EPG5: variants seen among roughly 807,000 people sequenced by gnomAD.
EPG5 encodes ectopic P-granules 5 autophagy tethering factor.
A neutral mutation model predicts 302.7 loss-of-function variants in EPG5; 159 were observed. That is an observed-to-expected ratio of 0.53 (90% CI 0.46 to 0.60). The LOEUF (loss-of-function observed/expected upper bound fraction) is 0.60. EPG5 is among the 20% of genes least tolerant of loss of function. The pLI, the probability that EPG5 is intolerant of heterozygous loss-of-function variation, is 0.00. For synonymous variants in EPG5, 1,158 were observed against 1,136.8 expected, an observed-to-expected ratio of 1.02 and a Z score of -0.37; for missense variants, 2,896 against 3,092.4, an observed-to-expected ratio of 0.94 and a Z score of 1.51.
At chr18:45,833,289 G>T in the EPG5 span, among the ~76,000 whole-genome samples, 1 of 152,068 alleles carries the variant, frequency 6.6e-6, no homozygotes, top group African/African-American at 2.4e-5. Context: ...ACCTGATGGG[G>T]TTGTTGTGCA....
chr18:45,939,519 C>T, intron 10 of EPG5, 81 bp downstream of exon 10: 5 of 1,311,766 alleles, frequency 3.8e-6, no homozygotes, highest in Non-Finnish European at 5.3e-6. Context: ...TATAAAAGAC[C>T]TACTTAAGTG....
intron 11 of EPG5, among the ~76,000 whole-genome samples, 186 bp downstream of exon 11, chr18:45,934,623 A>G (rs2050476330): frequency 1.3e-5 from 2 of 152,254 alleles, no homozygotes; most frequent in Non-Finnish European, 2.9e-5. Flanking sequence ...TTTTGATTTC[A>G]GATATGCTAG....
At chr18:45,833,858 A>G in the EPG5 span, among the ~76,000 whole-genome samples, 10 of 152,226 alleles carry the variant, frequency 6.6e-5, no homozygotes, top group Non-Finnish European at 1.0e-4. Flanking sequence ...AATGAAGCAC[A>G]TGACATGCTG....
intron 11 of EPG5, among the ~76,000 whole-genome samples, chr18:45,932,992 A>C (rs2050429644): frequency 6.6e-6 from 1 of 152,192 alleles, no homozygotes; most frequent in African/African-American, 2.4e-5. Context: ...GGCAGATAGT[A>C]AGTCCGCAAT....
chr18:45,907,195 A>G (rs1264693922), intron 24 of EPG5: 1 of 152,226 alleles, frequency 6.6e-6, no homozygotes, highest in African/African-American at 2.4e-5. Context: ...ATGTGAAAGT[A>G]GGAGGGTTTA....
the EPG5 span, among the ~76,000 whole-genome samples, chr18:45,820,356 G>T: frequency 6.6e-6 from 1 of 152,158 alleles, no homozygotes; most frequent in Non-Finnish European, 1.5e-5. Flanking sequence ...GAAATGTTCT[G>T]CTCTCTGGCA....
At chr18:45,857,714 C>CTTT in intron 42 of EPG5, 139 bp downstream of exon 42, 2 of 421,272 alleles carry the variant, frequency 4.7e-6, no homozygotes, top group South Asian at 4.1e-5. Context: ...TTTTTTTTTT[C>CTTT]TTTTTTTTTT....
At chr18:45,964,671 T>C (rs902293734) in intron 1 of EPG5, among the ~76,000 whole-genome samples, 1 of 152,186 alleles carries the variant, frequency 6.6e-6, no homozygotes, top group Admixed American at 6.5e-5. Flanking sequence ...AGCATTTCTT[T>C]TAAAAATATT....
intron 43 of EPG5, 37 bp downstream of exon 43, chr18:45,855,536 G>T: frequency 6.7e-7 from 1 of 1,487,480 alleles, no homozygotes; most frequent in Non-Finnish European, 9.4e-7. Context: ...GGGAAGATGT[G>T]CAGGCAAACT....
At position 45,934,844 on chromosome 18, in the gene EPG5, G is replaced by C. The variant is rs776049981; in HGVS notation, c.2222C>G (p.Ser741Cys). Reference sequence around the variant, plus strand: ...CTGCTTGCACTGGGCGGGCTGCAGGGAGGAGGAGAGCTGCTGCAGGTTCTC... The same window carrying C: ...CTGCTTGCACTGGGCGGGCTGCAGGCAGGAGGAGAGCTGCTGCAGGTTCTC... ...ESENLQQLSSSLQPAQCKQQL... is the reference protein window; with the variant it reads ...ESENLQQLSSCLQPAQCKQQL... Residue 741 changes from serine (S) to cysteine (C), a missense_variant, in exon 11 of 44, where the codon TCC (serine) becomes TGC (cysteine). Ser to Cys is a moderately radical substitution (Grantham distance 112). Transcript: ENST00000282041. 5.0e-6 allele frequency: 8 copies of C among 1,614,162 alleles called. No homozygotes were observed. The highest frequency in any genetic ancestry group is 6.8e-6 in the Non-Finnish European group (8 of 1,180,024).
intron 17 of EPG5, 58 bp from the exon 18 acceptor site, chr18:45,916,640 C>A: frequency 6.7e-7 from 1 of 1,487,986 alleles, no homozygotes; most frequent in South Asian, 1.4e-5. Flanking sequence ...ACAGAATTTT[C>A]CCTAATTACT....
At chr18:45,867,960 G>A in intron 36 of EPG5, 1 of 654,082 alleles carries the variant, frequency 1.5e-6, no homozygotes, top group South Asian at 1.5e-5. Flanking sequence ...TGTCTGTTCA[G>A]ATTTCAGCAT....
chr18:45,930,721 A>G lies in EPG5; in HGVS notation c.2367T>C (p.Asn789=). Residue 789 remains asparagine, a synonymous_variant, in exon 12 of 44, where the codon AAT becomes AAC. Transcript: ENST00000282041. Reference sequence around the variant, plus strand: ...TAATTTTTATGAAGTCTTCGTCCACATTGGTTCTTCTGGCCTGAGCCATCT... The same window carrying G: ...TAATTTTTATGAAGTCTTCGTCCACGTTGGTTCTTCTGGCCTGAGCCATCT... ...FAQMAQARRT[N]VDEDFIKIIV... 2 of 1,607,712 alleles carry G rather than the reference A, an allele frequency of 1.2e-6. No individual in the cohort carries two copies. Among genetic ancestry groups the G allele is most frequent in the African/African-American group, 2.7e-5 (2 of 74,638 alleles).
intron 29 of EPG5, among the ~76,000 whole-genome samples, chr18:45,886,568 C>T (rs180849902): frequency 4.3e-4 from 65 of 152,244 alleles, no homozygotes; most frequent in African/African-American, 1.6e-3. Flanking sequence ...GAAATGTTAG[C>T]TATGTAGTCA....
chr18:45,915,483 C>A, intron 20 of EPG5, 28 bp downstream of exon 20: 1 of 1,475,792 alleles, frequency 6.8e-7, no homozygotes, highest in Non-Finnish European at 9.5e-7. Context: ...ACAAAGATAA[C>A]AAATGATCCT....
At chr18:45,953,936 G>A (rs745961556) in intron 2 of EPG5, 1 of 985,132 alleles carries the variant, frequency 1.0e-6, no homozygotes, top group Non-Finnish European at 1.2e-6. Flanking sequence ...GTAGCATTAT[G>A]CCCAAGGTCA....
In EPG5 at chr18:45,882,575, A is replaced by G. The variant is rs146546339; in HGVS notation, c.5305-88T>C. On this transcript the variant is annotated intron_variant, in intron 30 of 43. Transcript: ENST00000282041. ...GAGGTCTGTGTAAATTTAGTTTAAA[A>G]GCCAAAAATTACCCAGCATTTTATA... 820 of 1,026,878 alleles carry G rather than the reference A, an allele frequency of 8.0e-4. 4 individuals are homozygous for G. The African/African-American group carries it at 0.011, about 14-fold the overall frequency. 63.6% of individuals were successfully genotyped at this position (1,026,878 alleles called of 1,614,324 possible).
rs376346776 is a variant in EPG5 at position 45,954,398 on chromosome 18, A to G, written c.1004T>C (p.Val335Ala). The change falls in exon 2 of 44, where the codon GTA becomes GCA. Residue 335 changes from valine (V) to alanine (A), a missense_variant. By Grantham distance (64) the Val-to-Ala change is moderately conservative. Transcript: ENST00000282041. ...LWQFKEEQMS[V>A]QGICADQVKV... ...CCAGGCTTCTGATCAAAATACCTGT[A>G]CAGACATTTGTTCCTCCTTAAACTG... 6 of 1,602,130 alleles carry G rather than the reference A, an allele frequency of 3.7e-6. No individual in the cohort carries two copies. The highest frequency in any genetic ancestry group is 4.3e-6 in the Non-Finnish European group (5 of 1,174,634).
At chr18:45,828,973 G>T in the EPG5 span, 1 of 425,714 alleles carries the variant, frequency 2.3e-6, no homozygotes, top group Non-Finnish European at 3.1e-6. Context: ...TCTCCCAGTG[G>T]CTGTTGTGAG....
Sources: gnomAD v4.1 joint callset for allele counts (sites outside exome capture counted in the v4.1 genomes callset) on GRCh38, gnomAD v4.1.1 for gene constraint, MANE v1.5 for transcripts, NCBI Gene and HGNC (gene_info 2026-07-23, HGNC 2026-07-21) for gene names.